Variants in KCNB2 observed in about 807,000 individuals in gnomAD.
KCNB2 encodes delayed rectifier potassium channel protein.
Under a neutral mutation model 61.5 loss-of-function variants are expected in KCNB2, and 15 were observed. The ratio of observed to expected loss-of-function variants is 0.24; its 90% CI spans 0.16 to 0.38. The LOEUF is 0.38. Among genes scored for constraint, KCNB2 ranks in the 10% least tolerant of loss-of-function variants. The pLI is 1.00. For missense variants in KCNB2, 828 were observed against 1,125.2 expected (o/e 0.74, Z 3.78); for synonymous variants, 457 against 446.0 (o/e 1.02, Z -0.31).
intron 2 of KCNB2, among the ~76,000 whole-genome samples, chr8:72,727,360 C>T (rs1807669578): frequency 6.6e-6 from 1 of 152,182 alleles, no homozygotes; most frequent in Non-Finnish European, 1.5e-5. Context: ...CTTCCCTTCG[C>T]TATTGTAGTA....
chr8:72,742,736 T>C (rs147705662), intron 2 of KCNB2, among the ~76,000 whole-genome samples: 2,559 of 152,288 alleles, frequency 0.017, 65 homozygotes, highest in African/African-American at 0.059. Context: ...CATTCTTCAT[T>C]GCAGCTTCCA....
chr8:72,851,841 A>AAAAAAAAAACC (rs1554539016), intron 2 of KCNB2, among the ~76,000 whole-genome samples: 1 of 111,386 alleles, frequency 9.0e-6, no homozygotes, highest in African/African-American at 4.6e-5. Context: ...AAAAAAAAAA[A>AAAAAAAAAACC]AAAAAAACAC....
intron 2 of KCNB2, among the ~76,000 whole-genome samples, chr8:72,915,954 T>G (rs1176715430): frequency 6.6e-6 from 1 of 152,116 alleles, no homozygotes; most frequent in Admixed American, 6.6e-5. Context: ...AAAGGATTCT[T>G]TGCAGGAAGG....
intron 2 of KCNB2, among the ~76,000 whole-genome samples, chr8:72,711,991 C>G (rs1313797254): frequency 1.3e-5 from 2 of 152,122 alleles, no homozygotes; most frequent in East Asian, 3.9e-4. Context: ...GACTCCATCT[C>G]AAGAAAAAGA....
chr8:72,672,719 C>T lies in KCNB2; in HGVS notation c.579+104406C>T, dbSNP rs117779613. On this transcript the variant is annotated intron_variant, in intron 2 of 2. Transcript: ENST00000523207. ...TAAGGTTTTTCCTCAAATGTACTGGCACTTTGGAAGCATAAATCTCAAACT... is the reference window on the plus strand; with the variant it reads ...TAAGGTTTTTCCTCAAATGTACTGGTACTTTGGAAGCATAAATCTCAAACT... Among the ~76,000 whole-genome samples, 265 of 152,042 alleles carry T rather than the reference C, an allele frequency of 1.7e-3. 4 individuals carry two copies. The East Asian group carries it at 0.022, about 13-fold the overall frequency.
At chr8:72,700,663 G>A (rs750579638) in intron 2 of KCNB2, among the ~76,000 whole-genome samples, 21 of 152,036 alleles carry the variant, frequency 1.4e-4, no homozygotes, top group Non-Finnish European at 2.6e-4. Context: ...CAGCCTCTGC[G>A]GAAAGCAATT....
chr8:72,690,333 A>G (rs941610382), intron 2 of KCNB2, among the ~76,000 whole-genome samples: 1 of 152,248 alleles, frequency 6.6e-6, no homozygotes, highest in Admixed American at 6.5e-5. Context: ...CCCAAGAAGC[A>G]AATTGCTCCC....
At chr8:72,631,053 G>A (rs1039316037) in intron 2 of KCNB2, among the ~76,000 whole-genome samples, 3 of 151,986 alleles carry the variant, frequency 2.0e-5, no homozygotes, top group African/African-American at 7.3e-5. Context: ...GATAAATTAG[G>A]CACAATAAGA....
At chr8:72,560,448 T>A (rs1806493950) in intron 1 of KCNB2, among the ~76,000 whole-genome samples, 1 of 152,232 alleles carries the variant, frequency 6.6e-6, no homozygotes, top group South Asian at 2.1e-4. Flanking sequence ...TTCAGGGTAT[T>A]ACTGGGTGGC....
chr8:72,779,366 A>G (rs556036378), intron 2 of KCNB2, among the ~76,000 whole-genome samples: 9 of 152,210 alleles, frequency 5.9e-5, no homozygotes, highest in Non-Finnish European at 1.3e-4. Context: ...AAATATTTGC[A>G]TGCAGGACAG....
At chr8:72,903,851 A>T (rs1806127955) in intron 2 of KCNB2, among the ~76,000 whole-genome samples, 1 of 152,136 alleles carries the variant, frequency 6.6e-6, no homozygotes, top group African/African-American at 2.4e-5. Context: ...ATATTTCTTT[A>T]TTCAAAAAAG....
At chr8:72,661,646 A>G (rs546142323) in intron 2 of KCNB2, among the ~76,000 whole-genome samples, 1 of 152,306 alleles carries the variant, frequency 6.6e-6, no homozygotes, top group African/African-American at 2.4e-5. Flanking sequence ...ATTTTCATTC[A>G]CAGCATCTTT....
rs568926581 is a variant in KCNB2, at chr8:72,920,441, ATATCTATCTATC to A, written c.580-15470_580-15459del. 1.1e-4 allele frequency among the ~76,000 whole-genome samples: 12 copies of A among 105,188 alleles called. 1 individual carries two copies. The highest frequency in any genetic ancestry group is 6.2e-4 in the South Asian group (2 of 3,218). 69.0% of individuals were successfully genotyped at this position (105,188 alleles called of 152,430 possible). A position where few individuals can be genotyped will look rare whatever the true frequency, so the allele number is the denominator to read the frequency against. On this transcript the variant is annotated intron_variant, in intron 2 of 2. Coordinates refer to ENST00000523207, the MANE Select transcript of KCNB2 (RefSeq NM_004770.3). ...AACATGGCAAAACCCCCTCTCCACT[ATATCTATCTATC>A]TATCTATCTATCTATCTATCTATAT...
chr8:72,541,416 C>T (rs1281622459), intron 1 of KCNB2, among the ~76,000 whole-genome samples: 1 of 152,094 alleles, frequency 6.6e-6, no homozygotes, highest in Non-Finnish European at 1.5e-5. Context: ...TGTTCAGAGA[C>T]TTTTCTTAAC....
At chr8:72,873,196 A>C (rs1045838699) in intron 2 of KCNB2, among the ~76,000 whole-genome samples, 1 of 152,230 alleles carries the variant, frequency 6.6e-6, no homozygotes, top group Non-Finnish European at 1.5e-5. Flanking sequence ...CTTGAGAGTA[A>C]GCCAGAATGG....
In KCNB2 at chr8:72,937,646, G is replaced by T. The variant is rs1214783430; in HGVS notation, c.2291G>T (p.Gly764Val). The T allele has an allele frequency of 1.2e-6, 2 of 1,614,060 alleles. No individual in the cohort carries two copies. The highest frequency in any genetic ancestry group is 3.3e-4 in the Middle Eastern group (2 of 6,062). Residue 764 changes from glycine (G) to valine (V), a missense_variant, in exon 3 of 3, where the codon GGA becomes GTA. Physicochemically the swap from Gly to Val is moderately radical, Grantham distance 109 (BLOSUM62 -3). This residue lies in a region of KCNB2 where 559 missense variants were observed against 588.4 expected (regional missense o/e 0.95). Transcript: ENST00000523207. ...TILLEETPSQ[G>V]DRPLLGTEVS... ...CTCTTAGAAGAAACCCCCTCCCAGGGAGACAGACCCTTGCTGGGCACTGAG... is the reference window on the plus strand; with the variant it reads ...CTCTTAGAAGAAACCCCCTCCCAGGTAGACAGACCCTTGCTGGGCACTGAG...
chr8:72,935,893 C>T, intron 2 of KCNB2, 42 bp from the exon 3 acceptor site: 3 of 1,438,538 alleles, frequency 2.1e-6, no homozygotes, highest in South Asian at 1.2e-5. Flanking sequence ...GCTGCCTAAG[C>T]AACTAAGAGG....
intron 2 of KCNB2, among the ~76,000 whole-genome samples, chr8:72,924,062 C>G (rs77229480): frequency 3.9e-4 from 59 of 152,244 alleles, no homozygotes; most frequent in African/African-American, 1.3e-3. Flanking sequence ...TAATACAGAA[C>G]CAGGATGAGG....
chr8:72,914,567 T>A (rs779639387), intron 2 of KCNB2, among the ~76,000 whole-genome samples: 17 of 152,130 alleles, frequency 1.1e-4, no homozygotes, highest in Non-Finnish European at 2.5e-4. Flanking sequence ...GGAGTTAAAG[T>A]AAGACAGTCT....
Sources: allele counts gnomAD v4.1 joint callset (sites outside exome capture counted in the v4.1 genomes callset), GRCh38; gene constraint gnomAD v4.1.1; regional missense constraint gnomAD v4.1.1; transcripts MANE v1.5; gene names NCBI Gene and HGNC (gene_info 2026-07-23, HGNC 2026-07-21).